FBP1: variants seen among roughly 807,000 people sequenced by gnomAD.
FBP1 encodes fructose-bisphosphatase 1.
Under a neutral mutation model 29.9 loss-of-function variants are expected in FBP1, and 22 were observed. That is an observed-to-expected ratio of 0.74 (90% CI 0.53 to 1.05). The LOEUF (loss-of-function observed/expected upper bound fraction) is 1.05. Ranked by LOEUF, FBP1 falls within the 50% of genes least tolerant of loss-of-function variation. The pLI is 0.00. For synonymous variants in FBP1, 175 were observed against 178.6 expected (o/e 0.98, Z 0.16); for missense variants, 345 against 448.2 (o/e 0.77, Z 2.08).
At position 94,627,404 on chromosome 9, in the gene FBP1, A is replaced by G. The variant is rs1261034198; in HGVS notation, c.171-6913T>C. 2.0e-5 allele frequency among the ~76,000 whole-genome samples: 3 copies of G among 152,192 alleles called. No homozygotes were observed. In the East Asian group the frequency reaches 5.8e-4, roughly 29 times the overall value. On this transcript the variant is annotated intron_variant, in intron 1 of 6. Coordinates refer to ENST00000375326, the MANE Select transcript of FBP1 (RefSeq NM_000507.4). ...ATAAATGTCTGCCTGCTGATCAGTC[A>G]TCATTCCTGAATGGCCCTGAAGGAT...
At chr9:94,613,808 T>G (rs1418509441) in intron 3 of FBP1, among the ~76,000 whole-genome samples, 6 of 148,000 alleles carry the variant, frequency 4.1e-5, no homozygotes, top group African/African-American at 1.0e-4. Flanking sequence ...CCGGACGCAG[T>G]GGCTCACGCC....
chr9:94,627,964 C>A (rs1828049060), intron 1 of FBP1, among the ~76,000 whole-genome samples: 1 of 152,246 alleles, frequency 6.6e-6, no homozygotes, highest in Non-Finnish European at 1.5e-5. Flanking sequence ...CCCTGCTCTG[C>A]CCCTCAGCCC....
At chr9:94,618,365 A>G (rs1262352046) in intron 2 of FBP1, among the ~76,000 whole-genome samples, 2 of 146,608 alleles carry the variant, frequency 1.4e-5, no homozygotes, top group African/African-American at 5.0e-5. Flanking sequence ...GCTCATGCCT[A>G]ATCCTAGCAC....
At position 94,637,123 on chromosome 9, in the gene FBP1, A is replaced by G. The variant is rs1828202133; in HGVS notation, c.170+2018T>C. ...CTAAAATAAGAATCCTTAGGAATGTATTATTAAGAGGGGCCAGAGGCAACA... is the reference window on the plus strand; with the variant it reads ...CTAAAATAAGAATCCTTAGGAATGTGTTATTAAGAGGGGCCAGAGGCAACA... On this transcript the variant is annotated intron_variant, in intron 1 of 6. Transcript: ENST00000375326. 2.6e-5 allele frequency among the ~76,000 whole-genome samples: 4 copies of G among 152,328 alleles called. No individual in the cohort carries two copies. In the South Asian group the frequency reaches 8.3e-4, roughly 32 times the overall value.
chr9:94,621,412 T>A (rs946131849), intron 1 of FBP1, among the ~76,000 whole-genome samples: 7 of 144,440 alleles, frequency 4.8e-5, no homozygotes, highest in Admixed American at 2.7e-4. Flanking sequence ...TATATATTTT[T>A]AGAAGAAAGG....
At chr9:94,627,331 G>C (rs755527175) in intron 1 of FBP1, among the ~76,000 whole-genome samples, 1 of 152,098 alleles carries the variant, frequency 6.6e-6, no homozygotes, top group Non-Finnish European at 1.5e-5. Flanking sequence ...CTCCAGCCTG[G>C]GCAAAAAAGA....
At position 94,603,558 on chromosome 9, in the gene FBP1, G is replaced by A. The variant is rs377759037; in HGVS notation, c.840C>T (p.Tyr280=). Residue 280 remains tyrosine (Y), a synonymous_variant, in exon 7 of 7, where the codon TAC becomes TAT. Transcript: ENST00000375326. ...KSPNGKLRLL[Y]ECNPMAYVME... is the part of the protein sequence containing the mutation. ...TGACGTAGGCCATGGGGTTGCATTC[G>A]TACAGCAGTCTCAGCTGGAAAACAA... The A allele has an allele frequency of 1.7e-5, 28 of 1,614,042 alleles. No homozygotes were observed. The highest frequency in any genetic ancestry group is 1.1e-4 in the East Asian group (5 of 44,902).
At chr9:94,631,174 C>T (rs566388947) in intron 1 of FBP1, among the ~76,000 whole-genome samples, 29 of 152,266 alleles carry the variant, frequency 1.9e-4, no homozygotes, top group Admixed American at 3.3e-4. Context: ...AAGCACCAGG[C>T]AGGGTTGAAG....
intron 1 of FBP1, among the ~76,000 whole-genome samples, chr9:94,637,988 A>G (rs1167270896): frequency 1.3e-5 from 2 of 151,232 alleles, no homozygotes; most frequent in African/African-American, 4.9e-5. Context: ...CGGGAGACTG[A>G]GGCAGGAGAA....
chr9:94,623,827 A>C (rs1342641723), intron 1 of FBP1, among the ~76,000 whole-genome samples: 1 of 152,210 alleles, frequency 6.6e-6, no homozygotes, highest in African/African-American at 2.4e-5. Flanking sequence ...GCCCTTGTGG[A>C]GCGTATATTC....
chr9:94,605,985 G>A (rs1324089440), intron 5 of FBP1, among the ~76,000 whole-genome samples: 1 of 152,174 alleles, frequency 6.6e-6, no homozygotes, highest in Non-Finnish European at 1.5e-5. Context: ...GCTTAGCAAT[G>A]TGGAGAGGGA....
chr9:94,627,568 C>A (rs111900136), intron 1 of FBP1, among the ~76,000 whole-genome samples: 6 of 152,146 alleles, frequency 3.9e-5, no homozygotes, highest in Non-Finnish European at 7.4e-5. Context: ...CGGCTGCCAT[C>A]CCCCGTCTGA....
chr9:94,616,158 G>A (rs768152510), intron 3 of FBP1, among the ~76,000 whole-genome samples: 3 of 152,020 alleles, frequency 2.0e-5, no homozygotes, highest in Non-Finnish European at 4.4e-5. Context: ...TAATGCCTTT[G>A]TGTCCTAGAA....
At chr9:94,622,871 C>T (rs768676651) in intron 1 of FBP1, among the ~76,000 whole-genome samples, 1 of 152,350 alleles carries the variant, frequency 6.6e-6, no homozygotes, top group Middle Eastern at 3.4e-3. Flanking sequence ...AGGGACTTGG[C>T]AGGGCCCACC....
chr9:94,619,108 C>A (rs1480742203), intron 2 of FBP1, among the ~76,000 whole-genome samples: 1 of 152,132 alleles, frequency 6.6e-6, no homozygotes, highest in Non-Finnish European at 1.5e-5. Context: ...CCATGATAGA[C>A]AAGAGAAGTC....
At chr9:94,630,443 G>A (rs1828085964) in intron 1 of FBP1, among the ~76,000 whole-genome samples, 1 of 152,196 alleles carries the variant, frequency 6.6e-6, no homozygotes, top group Non-Finnish European at 1.5e-5. Flanking sequence ...CAGGAAACTA[G>A]AGTGTAATGG....
intron 1 of FBP1, among the ~76,000 whole-genome samples, chr9:94,636,063 A>G: frequency 6.6e-6 from 1 of 152,200 alleles, no homozygotes; most frequent in Middle Eastern, 3.2e-3. Flanking sequence ...TGGATACCCC[A>G]TGGGATATAT....
At chr9:94,636,532 C>A (rs1828192893) in intron 1 of FBP1, among the ~76,000 whole-genome samples, 1 of 151,960 alleles carries the variant, frequency 6.6e-6, no homozygotes, top group African/African-American at 2.4e-5. Flanking sequence ...TAACATGCTT[C>A]ATCCAGGCCC....
At chr9:94,634,302 A>AAAAAAGAAAG (rs760023517) in intron 1 of FBP1, among the ~76,000 whole-genome samples, 2 of 150,500 alleles carry the variant, frequency 1.3e-5, no homozygotes, top group Admixed American at 6.7e-5. Flanking sequence ...TCAAAAAAAA[A>AAAAAAGAAAG]AAAAAGAAAG....
Sources: allele counts gnomAD v4.1 joint callset (sites outside exome capture counted in the v4.1 genomes callset), GRCh38; gene constraint gnomAD v4.1.1; transcripts MANE v1.5; gene names NCBI Gene and HGNC (gene_info 2026-07-23, HGNC 2026-07-21).